The following PELI2 variants were observed in gnomAD, a reference collection of about 807,000 sequenced individuals.
The protein encoded by PELI2 is pellino E3 ubiquitin protein ligase family member 2, also known as E3 ubiquitin-protein ligase pellino homolog 2.
A neutral mutation model predicts 42.3 loss-of-function variants in PELI2; 23 were observed. The ratio of observed to expected loss-of-function variants is 0.54; its 90% CI spans 0.39 to 0.77. The LOEUF (loss-of-function observed/expected upper bound fraction) is 0.77. Among genes scored for constraint, PELI2 ranks in the 30% least tolerant of loss-of-function variants. PELI2 has a pLI of 0.00. For synonymous variants in PELI2, 245 were observed against 212.2 expected (o/e 1.15, Z -1.34); for missense variants, 463 against 553.2 (o/e 0.84, Z 1.64).
rs1889178481 is a variant in PELI2 at position 56,273,569 on chromosome 14, G to C, written c.208-6107G>C. On this transcript the variant is annotated intron_variant, in intron 2 of 5. Coordinates refer to ENST00000267460, the MANE Select transcript of PELI2 (RefSeq NM_021255.3). The surrounding 1 kb of genome is among the most constrained non-coding windows in gnomAD (Gnocchi z 4.3). ...GCTACTTTGTATTTGAGGAGAAAAA[G>C]TGAAATGTTACACATTGTTTTGCAT... is the stretch of plus-strand genomic sequence containing the variant. Among the ~76,000 whole-genome samples the C allele has an allele frequency of 6.6e-6, 1 of 152,234 alleles. No individual in the cohort carries two copies. Among genetic ancestry groups the C allele is most frequent in the Non-Finnish European group, 1.5e-5 (1 of 68,038 alleles).
intron 5 of PELI2, among the ~76,000 whole-genome samples, chr14:56,296,011 C>T (rs1889987305): frequency 6.6e-6 from 1 of 152,248 alleles, no homozygotes; most frequent in South Asian, 2.1e-4. Flanking sequence ...GTCTTATAAG[C>T]ACTTAGTGCA....
At chr14:56,293,607 G>T (rs77212578) in intron 5 of PELI2, among the ~76,000 whole-genome samples, 10,071 of 152,220 alleles carry the variant, frequency 0.066, 441 homozygotes, top group East Asian at 0.22. Flanking sequence ...TGCAAACTGG[G>T]GATGTGGCAG....
chr14:56,294,975 C>T (rs559850949), intron 5 of PELI2, among the ~76,000 whole-genome samples: 11 of 152,292 alleles, frequency 7.2e-5, no homozygotes, highest in African/African-American at 2.6e-4. Context: ...AGGATTTACT[C>T]CCTCATCTGC....
At chr14:56,253,975 T>C (rs1287370089) in intron 2 of PELI2, among the ~76,000 whole-genome samples, 1 of 152,230 alleles carries the variant, frequency 6.6e-6, no homozygotes, top group Non-Finnish European at 1.5e-5. Flanking sequence ...CAAGACAGGA[T>C]GGTACTGGTA....
At chr14:56,279,860 C>A in intron 3 of PELI2, 83 bp downstream of exon 3, 1 of 632,444 alleles carries the variant, frequency 1.6e-6, no homozygotes, top group South Asian at 2.1e-5. Context: ...ATCTTCCAGC[C>A]CAGTATGTCC....
At chr14:56,277,677 C>G (rs1889341911) in intron 2 of PELI2, among the ~76,000 whole-genome samples, 1 of 152,092 alleles carries the variant, frequency 6.6e-6, no homozygotes, top group Non-Finnish European at 1.5e-5. Flanking sequence ...CTGTCCATGG[C>G]TGTGCTAGGC....
intron 2 of PELI2, among the ~76,000 whole-genome samples, chr14:56,206,167 C>G (rs1658069553): frequency 6.6e-6 from 1 of 152,198 alleles, no homozygotes; most frequent in Non-Finnish European, 1.5e-5. Flanking sequence ...ATGGTAACTT[C>G]AGGAGCTTTC....
Position 56,297,150 on chromosome 14 carries a change from A to G in PELI2, c.1247A>G (p.Gln416Arg). 4 of 1,599,814 alleles carry G rather than the reference A, an allele frequency of 2.5e-6. No homozygotes were observed. Among genetic ancestry groups the G allele is most frequent in the Non-Finnish European group, 3.4e-6 (4 of 1,179,036 alleles). ...CAAAACTGCATCAAATTAATTTTCCAAGGTCCAATTGACTGACGCCCTTGA... is the reference window on the plus strand; with the variant it reads ...CAAAACTGCATCAAATTAATTTTCCGAGGTCCAATTGACTGACGCCCTTGA... The part of the protein sequence containing the change: ...GEQNCIKLIF[Q>R]GPID Residue 416 changes from glutamine (Q) to arginine (R), a missense_variant, in exon 6 of 6, where the codon CAA becomes CGA. Coordinates refer to ENST00000267460, the MANE Select transcript of PELI2 (RefSeq NM_021255.3).
chr14:56,200,699 A>G (rs1284986258), intron 2 of PELI2, among the ~76,000 whole-genome samples: 1 of 152,218 alleles, frequency 6.6e-6, no homozygotes, highest in Non-Finnish European at 1.5e-5. Context: ...GGCAAAGGTG[A>G]TTCTTTTTTA....
intron 2 of PELI2, among the ~76,000 whole-genome samples, chr14:56,229,418 A>G (rs1168505062): frequency 1.3e-5 from 2 of 152,324 alleles, no homozygotes; most frequent in South Asian, 2.1e-4. Context: ...TCAGGCAGCA[A>G]CATTTGTTGT....
chr14:56,255,882 C>T (rs1484946741), intron 2 of PELI2, among the ~76,000 whole-genome samples: 1 of 152,154 alleles, frequency 6.6e-6, no homozygotes, highest in African/African-American at 2.4e-5. Context: ...GATGGAGCCA[C>T]CACCTTGAAC....
At chr14:56,201,771 A>G (rs943018015) in intron 2 of PELI2, among the ~76,000 whole-genome samples, 1 of 152,222 alleles carries the variant, frequency 6.6e-6, no homozygotes, top group Non-Finnish European at 1.5e-5. Flanking sequence ...ACTATGTACA[A>G]TAATTCCATC....
intron 1 of PELI2, among the ~76,000 whole-genome samples, chr14:56,136,221 C>T (rs1016343410): frequency 1.3e-5 from 2 of 152,062 alleles, no homozygotes; most frequent in African/African-American, 4.8e-5. Context: ...TTAGATTCTG[C>T]GTATTTGAGT....
chr14:56,139,545 G>A (rs1595548511), intron 1 of PELI2, among the ~76,000 whole-genome samples: 1 of 151,728 alleles, frequency 6.6e-6, no homozygotes, highest in Admixed American at 6.6e-5. Flanking sequence ...CTTTGGGTAC[G>A]TTTTACATTA....
chr14:56,266,062 A>G (rs1414512578), intron 2 of PELI2, among the ~76,000 whole-genome samples: 1 of 152,050 alleles, frequency 6.6e-6, no homozygotes, highest in South Asian at 2.1e-4. Context: ...CTGTTGATAC[A>G]TGCATATGCT....
chr14:56,160,854 A>C (rs1884732718), intron 1 of PELI2, among the ~76,000 whole-genome samples: 1 of 152,174 alleles, frequency 6.6e-6, no homozygotes, highest in Non-Finnish European at 1.5e-5. Context: ...GGCCCATCTT[A>C]GTTATGGTTT....
intron 2 of PELI2, among the ~76,000 whole-genome samples, chr14:56,256,320 C>T (rs1888526009): frequency 4.6e-5 from 7 of 152,074 alleles, no homozygotes; most frequent in African/African-American, 1.4e-4. Flanking sequence ...CTTGTAGTCC[C>T]AGCTACTCTG....
chr14:56,119,357 C>G (rs539748371), intron 1 of PELI2: 2 of 152,284 alleles, frequency 1.3e-5, no homozygotes, highest in East Asian at 2.0e-4. Context: ...TGACCCGGGC[C>G]GGCCGGCCCT....
rs147839915 is a variant in PELI2, at chr14:56,121,207, T to C, written c.77+2470T>C. Among the ~76,000 whole-genome samples, 11 of 152,198 alleles carry C rather than the reference T, an allele frequency of 7.2e-5. No individual in the cohort carries two copies. The East Asian group carries it at 9.6e-4, about 13-fold the overall frequency. On this transcript the variant is annotated intron_variant, in intron 1 of 5. Transcript: ENST00000267460. ...ATCTAAAAATGCCTAATATTTGGTA[T>C]TGATAGAAGCTTTGCTTGTCAAATT... is the stretch of plus-strand genomic sequence containing the variant.
Sources: gnomAD v4.1 joint callset for allele counts (sites outside exome capture counted in the v4.1 genomes callset) on GRCh38, gnomAD v4.1.1 for gene constraint, Gnocchi (gnomAD v3.1) non-coding constraint, MANE v1.5 for transcripts, NCBI Gene and HGNC (gene_info 2026-07-23, HGNC 2026-07-21) for gene names.